NDE1: variants seen among roughly 807,000 people sequenced by gnomAD.
The protein encoded by NDE1 is nudE neurodevelopment protein 1.
Under a neutral mutation model 43.4 loss-of-function variants are expected in NDE1, and 28 were observed. The ratio of observed to expected loss-of-function variants is 0.65; its 90% CI spans 0.48 to 0.89. The LOEUF is 0.89. Among genes scored for constraint, NDE1 ranks in the 40% least tolerant of loss-of-function variants. The pLI is 0.00. For synonymous variants in NDE1, 184 were observed against 172.0 expected (o/e 1.07, Z -0.55); for missense variants, 441 against 434.1 (o/e 1.02, Z -0.14).
intron 8 of NDE1, among the ~76,000 whole-genome samples, chr16:15,711,932 A>G (rs1019260811): frequency 6.6e-6 from 1 of 152,174 alleles, no homozygotes; most frequent in African/African-American, 2.4e-5. Flanking sequence ...ACCTCAGGTG[A>G]TCAGCCTGCG....
chr16:15,660,571 T>G (rs559331973), intron 1 of NDE1, among the ~76,000 whole-genome samples: 4 of 152,288 alleles, frequency 2.6e-5, no homozygotes, highest in African/African-American at 9.6e-5. Flanking sequence ...GTTGGCTAAT[T>G]TATTTCATCG....
chr16:15,715,426 T>A (rs147415093), intron 8 of NDE1, among the ~76,000 whole-genome samples: 3 of 152,078 alleles, frequency 2.0e-5, no homozygotes. Flanking sequence ...TATTCAGCCA[T>A]GAAAAGGAAT....
chr16:15,710,686 T>C (rs1400937349), intron 8 of NDE1, among the ~76,000 whole-genome samples: 1 of 151,306 alleles, frequency 6.6e-6, no homozygotes. Context: ...TTTTTGTTTT[T>C]TGTTTTTTTT....
intron 1 of NDE1, among the ~76,000 whole-genome samples, chr16:15,655,872 T>C (rs557118282): frequency 4.7e-5 from 7 of 149,816 alleles, no homozygotes; most frequent in African/African-American, 7.4e-5. Flanking sequence ...AGTAAACTAT[T>C]GCAAGAACAA....
intron 4 of NDE1, among the ~76,000 whole-genome samples, chr16:15,682,083 T>G (rs532757370): frequency 1.6e-4 from 24 of 152,380 alleles, no homozygotes; most frequent in Non-Finnish European, 2.8e-4. Flanking sequence ...GTGCATTGTT[T>G]TTGTTAATAC....
chr16:15,645,190 G>A (rs2036307548), intron 1 of NDE1, among the ~76,000 whole-genome samples: 1 of 152,258 alleles, frequency 6.6e-6, no homozygotes, highest in African/African-American at 2.4e-5. Context: ...TAGGATTACA[G>A]GGCTGAGCCA....
intron 8 of NDE1, chr16:15,719,170 G>C (rs368824547): frequency 1.2e-5 from 19 of 1,532,328 alleles, no homozygotes; most frequent in Non-Finnish European, 1.7e-5. Context: ...GATGCTGCCT[G>C]TCCCCCCATC....
intron 6 of NDE1, among the ~76,000 whole-genome samples, chr16:15,693,355 C>T (rs1252072560): frequency 6.6e-6 from 1 of 152,090 alleles, no homozygotes; most frequent in Non-Finnish European, 1.5e-5. Context: ...TGCATGGACC[C>T]CACTTGGAGA....
intron 3 of NDE1, among the ~76,000 whole-genome samples, chr16:15,676,476 T>C (rs2037886606): frequency 6.6e-6 from 1 of 151,860 alleles, no homozygotes; most frequent in South Asian, 2.1e-4. Flanking sequence ...CCCTCCAAAG[T>C]GCTGGGATTA....
chr16:15,694,051 TC>T (rs2038886899), intron 6 of NDE1, 113 bp from the exon 7 acceptor site: 1 of 1,243,666 alleles, frequency 8.0e-7, no homozygotes, highest in Non-Finnish European at 1.1e-6. Context: ...GCTTTTGGGA[TC>T]CGAGGAAAGG....
chr16:15,711,625 G>C (rs1033370327), intron 8 of NDE1, among the ~76,000 whole-genome samples: 4 of 152,178 alleles, frequency 2.6e-5, no homozygotes, highest in African/African-American at 9.7e-5. Flanking sequence ...GGTGGTATGA[G>C]AATGAAGCGG....
At chr16:15,645,473 A>T (rs2036313614), upstream of NDE1, among the ~76,000 whole-genome samples, 1 of 152,214 alleles carries the variant, frequency 6.6e-6, no homozygotes, top group Non-Finnish European at 1.5e-5. Flanking sequence ...TCTATTAAAA[A>T]AATTTTTAAA....
intron 7 of NDE1, chr16:15,695,436 AG>A (rs2038966108): frequency 1.1e-6 from 1 of 920,956 alleles, no homozygotes. Flanking sequence ...TGAATCCGGG[AG>A]GCGGAGGTTG....
At chr16:15,679,271 C>T (rs1265390471) in intron 4 of NDE1, among the ~76,000 whole-genome samples, 1 of 152,178 alleles carries the variant, frequency 6.6e-6, no homozygotes, top group African/African-American at 2.4e-5. Flanking sequence ...TCTGGAATTA[C>T]TGGCATGAGC....
At chr16:15,694,039 T>G in intron 6 of NDE1, 126 bp from the exon 7 acceptor site, 1 of 1,123,132 alleles carries the variant, frequency 8.9e-7, no homozygotes, top group Non-Finnish European at 1.3e-6. Context: ...AGAAATAGGG[T>G]AGCTTTTGGG....
At chr16:15,691,415 A>G (rs1053213124) in intron 6 of NDE1, 92 bp downstream of exon 6, 44 of 1,421,586 alleles carry the variant, frequency 3.1e-5, no homozygotes, top group Non-Finnish European at 3.8e-5. Flanking sequence ...GATGATTTGC[A>G]TCAGGCTCAG....
At position 15,724,667 on chromosome 16, in the gene NDE1, T is replaced by C. The variant is rs147127121; in HGVS notation, c.*416T>C. On this transcript the variant is annotated 3_prime_UTR_variant, in exon 9 of 9. Coordinates refer to ENST00000396354, the MANE Select transcript of NDE1 (RefSeq NM_017668.3). Reference sequence around the variant, plus strand: ...GGCACCTGGATGTTGAGAGTGGAGATGTGGCGCTCCAGGTTCTGCTTGGCC... The same window carrying C: ...GGCACCTGGATGTTGAGAGTGGAGACGTGGCGCTCCAGGTTCTGCTTGGCC... The C allele has an allele frequency of 8.1e-6, 13 of 1,614,054 alleles. No homozygotes were observed. In the African/African-American group the frequency reaches 1.7e-4, roughly 22 times the overall value.
chr16:15,719,233 T>G (rs551214569), intron 8 of NDE1: 3 of 1,613,740 alleles, frequency 1.9e-6, no homozygotes, highest in Middle Eastern at 1.6e-4. Flanking sequence ...CCCGACAGGC[T>G]ACTGGCCAGC....
At chr16:15,708,605 A>G (rs1037083833) in intron 8 of NDE1, among the ~76,000 whole-genome samples, 6 of 152,234 alleles carry the variant, frequency 3.9e-5, no homozygotes, top group African/African-American at 1.4e-4. Flanking sequence ...ACAGTGGGTC[A>G]AGAGATGAGG....
Sources: allele counts gnomAD v4.1 joint callset (sites outside exome capture counted in the v4.1 genomes callset), GRCh38; gene constraint gnomAD v4.1.1; transcripts MANE v1.5; gene names NCBI Gene and HGNC (gene_info 2026-07-23, HGNC 2026-07-21).